The following SEMA3A variants were observed in gnomAD, a reference collection of about 807,000 sequenced individuals.
SEMA3A encodes semaphorin-3A.
SEMA3A carries 29 observed loss-of-function variants against 97.9 expected under a neutral mutation model. The ratio of observed to expected loss-of-function variants is 0.30; its 90% CI spans 0.22 to 0.40. The LOEUF (loss-of-function observed/expected upper bound fraction) is 0.40. SEMA3A is among the 10% of genes least tolerant of loss of function. The probability of loss-of-function intolerance (pLI) is 1.00; values close to 1 mark genes in which losing one functional copy is unlikely to be tolerated. For missense variants in SEMA3A, 763 were observed against 951.3 expected (o/e 0.80, Z 2.60); for synonymous variants, 321 against 323.7 (o/e 0.99, Z 0.09).
intron 11 of SEMA3A, among the ~76,000 whole-genome samples, chr7:84,004,786 T>C (rs1246805924): frequency 6.6e-6 from 1 of 152,234 alleles, no homozygotes; most frequent in Non-Finnish European, 1.5e-5. Flanking sequence ...AATATTCATG[T>C]TATTTAGTCA....
chr7:84,153,849 A>G (rs1415507632), intron 1 of SEMA3A, among the ~76,000 whole-genome samples: 1 of 152,116 alleles, frequency 6.6e-6, no homozygotes, highest in Non-Finnish European at 1.5e-5. Context: ...TCCTATTTAC[A>G]TAACACTATT....
intron 1 of SEMA3A, among the ~76,000 whole-genome samples, chr7:84,194,026 A>T (rs1030061774): frequency 1.3e-5 from 2 of 152,168 alleles, no homozygotes; most frequent in Non-Finnish European, 2.9e-5. Flanking sequence ...AACAAACTGA[A>T]TATTCATGAT....
intron 1 of SEMA3A, among the ~76,000 whole-genome samples, chr7:84,386,838 A>T (rs1228879): frequency 0.17 from 26,529 of 151,860 alleles, 2,449 homozygotes; most frequent in Middle Eastern, 0.22. Context: ...TGTCTCTACT[A>T]AAAATATAAA....
At chr7:84,226,709 C>T (rs970534837) in intron 3 of SEMA3A, among the ~76,000 whole-genome samples, 1 of 152,058 alleles carries the variant, frequency 6.6e-6, no homozygotes, top group African/African-American at 2.4e-5. Context: ...ATTCACATAG[C>T]TATGTTCTAT....
chr7:84,048,644 G>A (rs1042481927), intron 5 of SEMA3A, among the ~76,000 whole-genome samples: 1 of 151,742 alleles, frequency 6.6e-6, no homozygotes, highest in Non-Finnish European at 1.5e-5. Flanking sequence ...ATTACTGGTT[G>A]AACCTCTTTG....
intron 5 of SEMA3A, 136 bp downstream of exon 5, chr7:84,060,329 T>C (rs1297066579): frequency 4.9e-6 from 3 of 616,912 alleles, no homozygotes; most frequent in Admixed American, 6.3e-5. Flanking sequence ...TTTCAAACAT[T>C]TGAATATATC....
intron 2 of SEMA3A, among the ~76,000 whole-genome samples, chr7:84,349,640 A>C (rs1802387433): frequency 6.6e-6 from 1 of 152,180 alleles, no homozygotes; most frequent in Admixed American, 6.5e-5. Context: ...TCAATATAAA[A>C]GAATAATGTC....
Position 84,007,508 on chromosome 7 carries a change from C to T in SEMA3A, c.996-11G>A, listed in dbSNP as rs775229085. On this transcript the variant is annotated splice_polypyrimidine_tract_variant and intron_variant, in intron 9 of 16. Transcript: ENST00000265362. ...CCCTTGAAAATGTTACTGAACAAGA[C>T]AGCAAGAATAAAAACAGAAGTTCAT... The T allele has an allele frequency of 4.0e-6, 6 of 1,514,422 alleles. No homozygotes were observed. The East Asian group carries it at 7.5e-5, about 19-fold the overall frequency. 93.8% of individuals were successfully genotyped at this position (1,514,422 alleles called of 1,614,324 possible). A position where few individuals can be genotyped will look rare whatever the true frequency, so the allele number is the denominator to read the frequency against.
intron 12 of SEMA3A, among the ~76,000 whole-genome samples, chr7:83,987,127 A>G (rs934880746): frequency 2.0e-5 from 3 of 150,032 alleles, no homozygotes; most frequent in African/African-American, 7.3e-5. Flanking sequence ...TTAATAATAA[A>G]TTTTATATAG....
chr7:84,259,494 A>G (rs894807535), intron 3 of SEMA3A, among the ~76,000 whole-genome samples: 1 of 152,058 alleles, frequency 6.6e-6, no homozygotes, highest in African/African-American at 2.4e-5. Flanking sequence ...TGGGGGTGAA[A>G]TGAAGGAGGG....
intron 4 of SEMA3A, among the ~76,000 whole-genome samples, chr7:84,103,686 T>C (rs1368173471): frequency 2.6e-5 from 4 of 152,052 alleles, no homozygotes; most frequent in African/African-American, 7.2e-5. Context: ...CTCTTAAACT[T>C]TGGTTTTAAA....
intron 3 of SEMA3A, among the ~76,000 whole-genome samples, chr7:84,223,865 G>A (rs1383721655): frequency 4.0e-5 from 6 of 151,630 alleles, no homozygotes; most frequent in African/African-American, 9.7e-5. Context: ...AAAACCTTAC[G>A]GCTTATATTA....
intron 2 of SEMA3A, among the ~76,000 whole-genome samples, chr7:84,342,869 G>A (rs1227051437): frequency 2.0e-5 from 3 of 152,170 alleles, no homozygotes; most frequent in African/African-American, 4.8e-5. Context: ...CACATGAATG[G>A]CAAAGAACAC....
At chr7:84,361,712 A>G (rs933119351) in intron 2 of SEMA3A, among the ~76,000 whole-genome samples, 2 of 152,050 alleles carry the variant, frequency 1.3e-5, no homozygotes, top group Non-Finnish European at 2.9e-5. Context: ...ACATTGAACT[A>G]GGGGAATTTT....
intron 1 of SEMA3A, among the ~76,000 whole-genome samples, chr7:84,429,114 T>A (rs1020369324): frequency 6.6e-6 from 1 of 151,992 alleles, no homozygotes; most frequent in African/African-American, 2.4e-5. Context: ...TTAAACCAAT[T>A]TGAAGATAAT....
intron 3 of SEMA3A, among the ~76,000 whole-genome samples, chr7:84,274,512 TAA>T (rs1294640588): frequency 6.6e-6 from 1 of 152,102 alleles, no homozygotes; most frequent in Admixed American, 6.6e-5. Flanking sequence ...AAGCATGGGC[TAA>T]GAGTGAAACT....
At position 84,240,816 on chromosome 7, in the gene SEMA3A, T is replaced by A. The variant is rs186339029; in HGVS notation, c.-82-46148A>T. 5.4e-4 allele frequency among the ~76,000 whole-genome samples: 82 copies of A among 152,328 alleles called. No homozygotes were observed. The Middle Eastern group carries it at 0.01, about 19-fold the overall frequency. On this transcript the variant is annotated intron_variant, in intron 3 of 3. Coordinates refer to the SEMA3A transcript ENST00000424555. ...TCCCCCTCCCTGGGTCCATGTGTTC[T>A]CATTGTTCATCTCCCACTTAAGAGT...
intron 3 of SEMA3A, among the ~76,000 whole-genome samples, chr7:84,212,535 A>T (rs1432574678): frequency 2.0e-5 from 3 of 152,118 alleles, no homozygotes; most frequent in Non-Finnish European, 4.4e-5. Flanking sequence ...TACTCTTACG[A>T]TGTCTGCAAA....
At chr7:84,416,950 A>C (rs1804452451) in intron 1 of SEMA3A, among the ~76,000 whole-genome samples, 1 of 151,912 alleles carries the variant, frequency 6.6e-6, no homozygotes, top group Admixed American at 6.6e-5. Context: ...AGAATTAAAA[A>C]CTCAATTCTT....
Sources: allele counts gnomAD v4.1 joint callset (sites outside exome capture counted in the v4.1 genomes callset), GRCh38; gene constraint gnomAD v4.1.1; transcripts MANE v1.5; gene names NCBI Gene and HGNC (gene_info 2026-07-23, HGNC 2026-07-21).